GAB2: variants seen among roughly 807,000 people sequenced by gnomAD.
The protein encoded by GAB2 is GRB2-associated-binding protein 2.
A neutral mutation model predicts 65.5 loss-of-function variants in GAB2; 26 were observed. That is an observed-to-expected ratio of 0.40 (90% CI 0.29 to 0.55). The LOEUF (loss-of-function observed/expected upper bound fraction) is 0.55, where lower values mean the gene tolerates loss of function less well. Ranked by LOEUF, GAB2 falls within the 20% of genes least tolerant of loss-of-function variation. The pLI, the probability that GAB2 is intolerant of heterozygous loss-of-function variation, is 0.53. For missense variants in GAB2, 884 were observed against 875.8 expected, an observed-to-expected ratio of 1.01 and a Z score of -0.12; for synonymous variants, 321 against 329.6, an observed-to-expected ratio of 0.97 and a Z score of 0.28.
chr11:78,398,100 T>C (rs1856924786), intron 1 of GAB2, among the ~76,000 whole-genome samples: 1 of 151,542 alleles, frequency 6.6e-6, no homozygotes, highest in Admixed American at 6.6e-5. Flanking sequence ...ATCAACAAAC[T>C]CATTTCAACA....
intron 1 of GAB2, among the ~76,000 whole-genome samples, chr11:78,290,101 C>A (rs115782932): frequency 2.6e-5 from 4 of 151,506 alleles, no homozygotes; most frequent in Non-Finnish European, 2.9e-5. Context: ...GGGAGACAAA[C>A]CAGAAAAATA....
intron 1 of GAB2, among the ~76,000 whole-genome samples, chr11:78,303,637 A>G (rs2134630531): frequency 6.6e-6 from 1 of 152,282 alleles, no homozygotes; most frequent in Middle Eastern, 3.4e-3. Context: ...TGTTTTGGTT[A>G]TTCTTGGTCC....
intron 1 of GAB2, among the ~76,000 whole-genome samples, chr11:78,411,614 T>C (rs978533749): frequency 6.6e-6 from 1 of 152,176 alleles, no homozygotes; most frequent in Admixed American, 6.5e-5. Context: ...TAGGATGGCT[T>C]TGTCAACAAC....
intron 2 of GAB2, among the ~76,000 whole-genome samples, chr11:78,265,688 A>AT (rs1366598943): frequency 1.3e-5 from 2 of 152,076 alleles, no homozygotes; most frequent in African/African-American, 2.4e-5. Flanking sequence ...GCTTTTCTTC[A>AT]TTTTTTTGTT....
chr11:78,368,236 G>GGTT (rs1591069035), intron 1 of GAB2, among the ~76,000 whole-genome samples: 1 of 152,190 alleles, frequency 6.6e-6, no homozygotes, highest in East Asian at 1.9e-4. Context: ...TGTTCAACCA[G>GGTT]GAAGTCCATG....
chr11:78,231,338 T>C (rs867372346), intron 3 of GAB2, among the ~76,000 whole-genome samples: 93 of 130,778 alleles, frequency 7.1e-4, no homozygotes, highest in Non-Finnish European at 1.2e-3. Flanking sequence ...GCGTGTGTGG[T>C]GTGTGTGTGT....
intron 2 of GAB2, among the ~76,000 whole-genome samples, chr11:78,268,936 C>T (rs1001079779): frequency 1.3e-5 from 2 of 152,080 alleles, no homozygotes; most frequent in African/African-American, 4.8e-5. Flanking sequence ...ACGGCCTGTT[C>T]TGTGGATGAC....
intron 1 of GAB2, among the ~76,000 whole-genome samples, chr11:78,322,132 C>A (rs1302896165): frequency 2.6e-5 from 4 of 151,470 alleles, no homozygotes; most frequent in African/African-American, 9.7e-5. Context: ...TGGCGAAACC[C>A]TGTCTCTAAT....
At chr11:78,251,379 TA>T (rs1221542891) in intron 2 of GAB2, among the ~76,000 whole-genome samples, 3 of 152,336 alleles carry the variant, frequency 2.0e-5, no homozygotes, top group Non-Finnish European at 2.9e-5. Context: ...TTTTCCCTCT[TA>T]TCTCAAGCTT....
intron 1 of GAB2, among the ~76,000 whole-genome samples, chr11:78,338,532 C>A (rs1281465916): frequency 6.6e-6 from 1 of 152,214 alleles, no homozygotes; most frequent in African/African-American, 2.4e-5. Context: ...TATGCGCTTT[C>A]TCTTACATAA....
At chr11:78,312,254 G>C (rs1465337228) in intron 1 of GAB2, among the ~76,000 whole-genome samples, 6 of 151,416 alleles carry the variant, frequency 4.0e-5, no homozygotes, top group East Asian at 1.9e-4. Flanking sequence ...ACAAGAGGGA[G>C]ATTCTGGGGT....
chr11:78,242,828 T>C (rs1217818449), intron 3 of GAB2, among the ~76,000 whole-genome samples: 1 of 152,074 alleles, frequency 6.6e-6, no homozygotes, highest in Non-Finnish European at 1.5e-5. Context: ...ATCAAACCAG[T>C]AGCAAGACTG....
At chr11:78,371,629 T>C (rs1565176328) in intron 1 of GAB2, among the ~76,000 whole-genome samples, 2 of 152,230 alleles carry the variant, frequency 1.3e-5, no homozygotes, top group Admixed American at 1.3e-4. Flanking sequence ...GATTATTTCT[T>C]TGGTGTCCAC....
At chr11:78,327,945 A>T (rs955008333) in intron 1 of GAB2, among the ~76,000 whole-genome samples, 7 of 152,234 alleles carry the variant, frequency 4.6e-5, no homozygotes, top group Non-Finnish European at 8.8e-5. Context: ...TTGTCATTAT[A>T]ATAATAAGCT....
intron 1 of GAB2, chr11:78,364,074 A>G (rs183081128): frequency 3.9e-5 from 6 of 152,288 alleles, no homozygotes; most frequent in Admixed American, 3.9e-4. Flanking sequence ...CTTGTCAAGC[A>G]GATGTGGGGT....
chr11:78,379,522 C>G (rs951159606), intron 1 of GAB2, among the ~76,000 whole-genome samples: 1 of 152,228 alleles, frequency 6.6e-6, no homozygotes, highest in Admixed American at 6.5e-5. Context: ...AGATTTCCTA[C>G]TGGCTGGACT....
chr11:78,330,373 G>T (rs1855894644), intron 1 of GAB2, among the ~76,000 whole-genome samples: 1 of 152,216 alleles, frequency 6.6e-6, no homozygotes, highest in South Asian at 2.1e-4. Flanking sequence ...CTGGGGACAG[G>T]AAAGAAGGGA....
At chr11:78,333,428 T>C (rs961386263) in intron 1 of GAB2, among the ~76,000 whole-genome samples, 3 of 152,192 alleles carry the variant, frequency 2.0e-5, no homozygotes, top group Non-Finnish European at 4.4e-5. Context: ...CATGCCCAGC[T>C]AATTTTTAAA....
chr11:78,340,618 GAAA>G (rs35065436), intron 1 of GAB2, among the ~76,000 whole-genome samples: 6 of 130,476 alleles, frequency 4.6e-5, no homozygotes, highest in Non-Finnish European at 4.9e-5. Context: ...ATGTGAAGAG[GAAA>G]AAAAAAAAAA....
Sources: allele counts gnomAD v4.1 joint callset (sites outside exome capture counted in the v4.1 genomes callset), GRCh38; gene constraint gnomAD v4.1.1; transcripts MANE v1.5; gene names NCBI Gene and HGNC (gene_info 2026-07-23, HGNC 2026-07-21).